The following MUSK variants were observed in gnomAD, a reference collection of about 807,000 sequenced individuals.
The protein encoded by MUSK is muscle, skeletal receptor tyrosine-protein kinase.
MUSK carries 55 observed loss-of-function variants against 88.7 expected under a neutral mutation model. That is an observed-to-expected ratio of 0.62 (90% confidence interval 0.50 to 0.78). MUSK has a LOEUF of 0.78. MUSK is among the 30% of genes least tolerant of loss of function. The pLI is 0.00. For synonymous variants in MUSK, 387 were observed against 391.9 expected, an observed-to-expected ratio of 0.99 and a Z score of 0.15; for missense variants, 1,015 against 1,074.3, an observed-to-expected ratio of 0.94 and a Z score of 0.77.
intron 7 of MUSK, among the ~76,000 whole-genome samples, chr9:110,760,546 A>G (rs1361043851): frequency 1.3e-5 from 2 of 151,996 alleles, no homozygotes. Context: ...AACAACAGAC[A>G]CTGGGATCTA....
intron 6 of MUSK, among the ~76,000 whole-genome samples, chr9:110,738,596 A>C (rs1028873595): frequency 6.6e-6 from 1 of 152,128 alleles, no homozygotes; most frequent in Admixed American, 6.6e-5. Context: ...CTTAACTTTC[A>C]TATAAGAAAA....
At chr9:110,735,760 G>A (rs757157642) in intron 6 of MUSK, among the ~76,000 whole-genome samples, 12 of 152,180 alleles carry the variant, frequency 7.9e-5, no homozygotes, top group Non-Finnish European at 1.6e-4. Context: ...TCTGCTTCTG[G>A]GGAGGCCTCC....
chr9:110,672,423 A>C (rs1184982973), intron 1 of MUSK, among the ~76,000 whole-genome samples: 1 of 152,148 alleles, frequency 6.6e-6, no homozygotes, highest in Non-Finnish European at 1.5e-5. Context: ...CATTTACTGC[A>C]CTATACCCAG....
intron 1 of MUSK, among the ~76,000 whole-genome samples, chr9:110,677,547 C>T (rs1007331037): frequency 3.3e-5 from 5 of 152,198 alleles, no homozygotes; most frequent in African/African-American, 7.2e-5. Context: ...ATTCTCCCAC[C>T]CATCTTTTAT....
rs4500149 is a variant in MUSK, at chr9:110,707,168, G to C, written c.628+9702G>C. On this transcript the variant is annotated intron_variant, in intron 5 of 14. Coordinates refer to ENST00000374448, the MANE Select transcript of MUSK (RefSeq NM_005592.4). Reference sequence around the variant, plus strand: ...AGTTCGAGACAAGCCTGGGTGACATGGCAAAAACCTCATCTCTACACTGAA... The same window carrying C: ...AGTTCGAGACAAGCCTGGGTGACATCGCAAAAACCTCATCTCTACACTGAA... 1.3e-3 allele frequency among the ~76,000 whole-genome samples: 204 copies of C among 151,648 alleles called. 1 individual carries two copies. The highest frequency in any genetic ancestry group is 4.5e-3 in the African/African-American group (185 of 41,394).
chr9:110,748,360 C>A lies in MUSK; in HGVS notation c.913+560C>A, dbSNP rs7027920. On this transcript the variant is annotated intron_variant, in intron 7 of 14. Coordinates refer to ENST00000374448, the MANE Select transcript of MUSK (RefSeq NM_005592.4). ...CCAATTTCTGCATGGCTATTTCTTGCGGGCATTTTTACCTGTGAGCATGAT... is the reference window on the plus strand; with the variant it reads ...CCAATTTCTGCATGGCTATTTCTTGAGGGCATTTTTACCTGTGAGCATGAT... 6.0e-3 allele frequency among the ~76,000 whole-genome samples: 906 copies of A among 152,196 alleles called. 11 individuals carry two copies. The highest frequency in any genetic ancestry group is 0.021 in the African/African-American group (859 of 41,512).
intron 5 of MUSK, among the ~76,000 whole-genome samples, chr9:110,724,111 T>C (rs2076852416): frequency 6.6e-6 from 1 of 152,030 alleles, no homozygotes; most frequent in Non-Finnish European, 1.5e-5. Context: ...TATCAATTTC[T>C]AGCATTTCTA....
Position 110,762,290 on chromosome 9 carries a change from G to A in MUSK, c.920+82G>A, listed in dbSNP as rs1055110408. On this transcript the variant is annotated intron_variant, in intron 8 of 14. Transcript: ENST00000374448. ...TTTGTTTGTTTTTGTCTGTGAGAGG[G>A]TCTTGTGTTGCCCAGGCTGGAGTGC... 5 of 1,114,224 alleles carry A rather than the reference G, an allele frequency of 4.5e-6. No individual in the cohort carries two copies. The African/African-American group carries it at 7.9e-5, about 18-fold the overall frequency. The allele number at this position is 1,114,224 out of a possible 1,614,324, so 69.0% of individuals were successfully genotyped here. A position where few individuals can be genotyped will look rare whatever the true frequency, so the allele number is the denominator to read the frequency against.
chr9:110,761,388 T>C (rs2077395796), intron 7 of MUSK, among the ~76,000 whole-genome samples: 2 of 152,132 alleles, frequency 1.3e-5, no homozygotes, highest in Admixed American at 1.3e-4. Context: ...TGAGTGCAGA[T>C]GCCATGCAGC....
chr9:110,676,932 GCTCT>G (rs2076038766), intron 1 of MUSK, among the ~76,000 whole-genome samples: 1 of 152,086 alleles, frequency 6.6e-6, no homozygotes, highest in African/African-American at 2.4e-5. Context: ...TAAATAAGAA[GCTCT>G]CTCTTCAGCT....
intron 5 of MUSK, among the ~76,000 whole-genome samples, chr9:110,715,940 G>T (rs948932418): frequency 1.3e-5 from 2 of 149,206 alleles, no homozygotes; most frequent in Non-Finnish European, 2.9e-5. Flanking sequence ...ATGGACACAT[G>T]GGGGGAACAA....
intron 5 of MUSK, among the ~76,000 whole-genome samples, chr9:110,729,958 A>G (rs2076942101): frequency 6.6e-6 from 1 of 152,012 alleles, no homozygotes; most frequent in Non-Finnish European, 1.5e-5. Context: ...TTTTTACTAT[A>G]CCTTACTCCT....
intron 7 of MUSK, among the ~76,000 whole-genome samples, chr9:110,755,943 TATATATACAC>T (rs2077309022): frequency 6.6e-5 from 5 of 75,504 alleles, no homozygotes; most frequent in African/African-American, 1.2e-4. Flanking sequence ...CATATATATA[TATATATACAC>T]ATATATATAT....
At chr9:110,800,243 A>T in intron 14 of MUSK, 63 bp from the exon 15 acceptor site, 29 of 1,373,332 alleles carry the variant, frequency 2.1e-5, no homozygotes, top group South Asian at 4.1e-5. Flanking sequence ...TTGCTTTTGG[A>T]GTGCTCTTTC....
At chr9:110,724,649 T>C (rs1377929787) in intron 5 of MUSK, among the ~76,000 whole-genome samples, 1 of 152,058 alleles carries the variant, frequency 6.6e-6, no homozygotes, top group Admixed American at 6.6e-5. Flanking sequence ...CAGTGACTAC[T>C]TATCTGTTGT....
chr9:110,690,075 AAT>A (rs1237584651), intron 3 of MUSK, among the ~76,000 whole-genome samples: 1 of 96,876 alleles, frequency 1.0e-5, no homozygotes, highest in South Asian at 3.5e-4. Flanking sequence ...TGTAAGTATA[AAT>A]ATATAAATAT....
At chr9:110,749,506 T>A (rs1341643997) in intron 7 of MUSK, among the ~76,000 whole-genome samples, 48 of 152,208 alleles carry the variant, frequency 3.2e-4, no homozygotes, top group Admixed American at 2.7e-3. Context: ...AAACATGGGC[T>A]CTAGCCAGGT....
chr9:110,687,313 G>A (rs762438306), intron 3 of MUSK, 45 bp downstream of exon 3: 2 of 1,606,836 alleles, frequency 1.2e-6, no homozygotes, highest in Non-Finnish European at 1.7e-6. Context: ...AGTTGACTTG[G>A]TACACTTAGT....
intron 9 of MUSK, among the ~76,000 whole-genome samples, chr9:110,770,050 TTATATC>T (rs2131964778): frequency 6.6e-6 from 1 of 152,136 alleles, no homozygotes; most frequent in South Asian, 2.1e-4. Context: ...TTATATTTAC[TTATATC>T]TATATTTCTG....
Sources: gnomAD v4.1 joint callset for allele counts (sites outside exome capture counted in the v4.1 genomes callset) on GRCh38, gnomAD v4.1.1 for gene constraint, MANE v1.5 for transcripts, NCBI Gene and HGNC (gene_info 2026-07-23, HGNC 2026-07-21) for gene names.